LAMA5: variants seen among roughly 807,000 people sequenced by gnomAD.
The protein encoded by LAMA5 is laminin subunit alpha-5.
A neutral mutation model predicts 433.4 loss-of-function variants in LAMA5; 260 were observed. The ratio of observed to expected loss-of-function variants is 0.60; its 90% confidence interval spans 0.54 to 0.66. The LOEUF (loss-of-function observed/expected upper bound fraction) is 0.66, where lower values mean the gene tolerates loss of function less well. LAMA5 is among the 30% of genes least tolerant of loss of function. The pLI is 0.00. For missense variants in LAMA5, 5,378 were observed against 5,258.5 expected (o/e 1.02, Z -0.70); for synonymous variants, 2,620 against 2,226.6 (o/e 1.18, Z -4.97).
chr20:62,310,558 G>T lies in LAMA5; in HGVS notation c.10461C>A (p.Phe3487Leu). ...HSSKLPVTVGFSGCVKRLRLH... is the reference protein window; with the variant it reads ...HSSKLPVTVGLSGCVKRLRLH... ...GCCTCAGTCTCTTCACACAGCCGCT[G>T]AACCCGACGGTCACCTATAGGAGCA... Residue 3487 changes from phenylalanine (F) to leucine (L), a missense_variant, in exon 76 of 80, where the codon TTC (phenylalanine) becomes TTA (leucine). Coordinates refer to ENST00000252999, the MANE Select transcript of LAMA5 (RefSeq NM_005560.6). 6.5e-7 allele frequency: 1 copy of T among 1,548,046 alleles called. No individual in the cohort carries two copies.
chr20:62,337,159 A>G (rs1981779395), intron 16 of LAMA5, among the ~76,000 whole-genome samples: 1 of 152,138 alleles, frequency 6.6e-6, no homozygotes, highest in Admixed American at 6.5e-5. Context: ...GCACACCCAC[A>G]CTTGAGACAC....
intron 6 of LAMA5, 78 bp downstream of exon 6, chr20:62,351,626 T>TAGGCAGGGGTGACAAGGAC (rs1209820702): frequency 4.2e-5 from 59 of 1,413,166 alleles, no homozygotes; most frequent in African/African-American, 2.0e-4. Context: ...ACCCTCAGGT[T>TAGGCAGGGGTGACAAGGAC]AGGCAGGGGT....
chr20:62,316,937 T>C lies in LAMA5; in HGVS notation c.7598A>G (p.Gln2533Arg). ...NAYSRILQAV[Q>R]AAEDAAGQAL... ...CTGGCCAGCAGCATCCTCGGCAGCC[T>C]GCACGGCCTGCAGGATGCGGCTGTA... Residue 2533 changes from glutamine (Q) to arginine (R), a missense_variant, in exon 56 of 80, where the codon CAG becomes CGG. By Grantham distance (43) the Gln-to-Arg change is conservative (BLOSUM62 1). Transcript: ENST00000252999. 1 of 1,562,612 alleles carries C rather than the reference T, an allele frequency of 6.4e-7. No individual in the cohort carries two copies. Among genetic ancestry groups the C allele is most frequent in the Admixed American group, 1.8e-5 (1 of 54,120 alleles).
rs754840466 is a variant in LAMA5, at chr20:62,309,823, C to G, written c.10841G>C (p.Gly3614Ala). The G allele has an allele frequency of 6.2e-7, 1 of 1,611,624 alleles. No homozygotes were observed. ...QWHRLAVMKS[G>A]NVLRLEVDAQ... ...GTCCACCTCCAGCCGGAGCACATTCCCGCTTTTCATCACTGGGAGAAAGGG... is the reference window on the plus strand; with the variant it reads ...GTCCACCTCCAGCCGGAGCACATTCGCGCTTTTCATCACTGGGAGAAAGGG... Residue 3614 changes from glycine (G) to alanine (A), a missense_variant, in exon 79 of 80, where the codon GGG (glycine) becomes GCG (alanine). Gly to Ala is a moderately conservative substitution (Grantham distance 60, BLOSUM62 0). Transcript: ENST00000252999.
At position 62,335,086 on chromosome 20, in the gene LAMA5, TG is replaced by T; in HGVS notation, c.2416del (p.Gln806ArgfsTer115). Reference protein sequence around the residue: ...QCFCKPHVCGQACASCKDGFF... With the variant: ...QCFCKPHVCGXACASCKDGFF... ...GCCATCCTTGCAGGACGCGCAGGCC[TG>T]GCCGCACACGTGGGGCTTGCAGAAG... On this transcript the variant is annotated frameshift_variant, in exon 20 of 80. Coordinates refer to ENST00000252999, the MANE Select transcript of LAMA5 (RefSeq NM_005560.6). LOFTEE classifies it high-confidence loss of function. 3 of 1,613,044 alleles carry T rather than the reference TG, an allele frequency of 1.9e-6. No individual in the cohort carries two copies. The highest frequency in any genetic ancestry group is 2.5e-6 in the Non-Finnish European group (3 of 1,179,722).
At chr20:62,316,527 G>A (rs1353015952) in intron 57 of LAMA5, 144 bp downstream of exon 57, 1 of 606,800 alleles carries the variant, frequency 1.6e-6, no homozygotes, top group African/African-American at 1.9e-5. Context: ...AAGCAGCTGG[G>A]GAGCCATCTC....
intron 11 of LAMA5, among the ~76,000 whole-genome samples, chr20:62,339,296 G>A (rs1438498009): frequency 2.3e-5 from 3 of 129,828 alleles, no homozygotes; most frequent in African/African-American, 8.9e-5. Flanking sequence ...AGAGTGCAGT[G>A]GCACGATCTG....
At chr20:62,352,499 C>A (rs950801222) in intron 3 of LAMA5, 139 bp from the exon 4 acceptor site, 2 of 648,496 alleles carry the variant, frequency 3.1e-6, no homozygotes, top group Non-Finnish European at 5.4e-6. Context: ...GAGACCACAG[C>A]TCACTGGCTG....
chr20:62,363,810 C>T (rs148213286), intron 1 of LAMA5, among the ~76,000 whole-genome samples: 14 of 152,038 alleles, frequency 9.2e-5, no homozygotes, highest in African/African-American at 3.1e-4. Context: ...ACAGAGGGCC[C>T]AACCCCCTCG....
In LAMA5 at chr20:62,327,059, C is replaced by A. The variant is rs1231442792; in HGVS notation, c.5113-93G>T. 24 of 1,120,676 alleles carry A rather than the reference C, an allele frequency of 2.1e-5. No homozygotes were observed. In the East Asian group the frequency reaches 5.0e-4, roughly 23 times the overall value. 69.4% of individuals were successfully genotyped at this position (1,120,676 alleles called of 1,614,324 possible). On this transcript the variant is annotated intron_variant, in intron 38 of 79. Coordinates refer to ENST00000252999, the MANE Select transcript of LAMA5 (RefSeq NM_005560.6). Reference sequence around the variant, plus strand: ...GGTCTGGGCACCCCCAGCACAGAGCCCTGTGCTGGGCCTGGATACTTGCGC... The same window carrying A: ...GGTCTGGGCACCCCCAGCACAGAGCACTGTGCTGGGCCTGGATACTTGCGC...
intron 28 of LAMA5, among the ~76,000 whole-genome samples, chr20:62,331,631 C>T (rs73149151): frequency 6.6e-6 from 1 of 152,222 alleles, no homozygotes; most frequent in African/African-American, 2.4e-5. Flanking sequence ...ACTCAGCAGG[C>T]ACAAGCCGCA....
rs542711901 is a variant in LAMA5 at position 62,352,798 on chromosome 20, G to A, written c.568+336C>T. Among the ~76,000 whole-genome samples the A allele has an allele frequency of 5.1e-4, 78 of 152,286 alleles. 1 individual carries two copies. The highest frequency in any genetic ancestry group is 1.7e-3 in the African/African-American group (71 of 41,550). On this transcript the variant is annotated intron_variant, in intron 3 of 79. Transcript: ENST00000252999. ...GGGCTAGGACTCCAGTACTCTTGAC[G>A]CAGGTGGCTAGGCTGGCAGGAGGTG...
intron 11 of LAMA5, chr20:62,345,295 G>A (rs1004239147): frequency 6.6e-6 from 1 of 151,008 alleles, no homozygotes; most frequent in Non-Finnish European, 1.4e-5. Flanking sequence ...GAGCCACTGT[G>A]CCCAACCAAT....
intron 57 of LAMA5, 24 bp downstream of exon 57, chr20:62,316,647 C>A (rs373678596): frequency 1.2e-5 from 18 of 1,514,174 alleles, no homozygotes; most frequent in Middle Eastern, 2.0e-4. Flanking sequence ...GGCCTAAGGG[C>A]CCCCATCGGA....
Position 62,315,188 on chromosome 20 carries a change from G to C in LAMA5, c.7887C>G (p.Ile2629Met). The C allele has an allele frequency of 1.2e-6, 2 of 1,609,032 alleles. No homozygotes were observed. The highest frequency in any genetic ancestry group is 1.7e-6 in the Non-Finnish European group (2 of 1,178,268). The change falls in exon 59 of 80, where the codon ATC (isoleucine) becomes ATG (methionine). Residue 2629 changes from isoleucine (I) to methionine (M), a missense_variant. Ile to Met is a conservative substitution (Grantham distance 10). Coordinates refer to ENST00000252999, the MANE Select transcript of LAMA5 (RefSeq NM_005560.6). ...AMDTDETSKKIAHAKAVAAEA... is the reference protein window; with the variant it reads ...AMDTDETSKKMAHAKAVAAEA... ...CAGCAGCCACAGCCTTGGCATGTGC[G>C]ATCTTCTTGCTTGTCTCGTCTGTGG...
At chr20:62,312,093 G>A (rs368226209) in intron 69 of LAMA5, 43 bp from the exon 70 acceptor site, 10 of 1,609,082 alleles carry the variant, frequency 6.2e-6, no homozygotes, top group Non-Finnish European at 8.5e-6. Context: ...TGGGGACCCA[G>A]ACTCATTCCA....
Position 62,337,923 on chromosome 20 carries a change from G to C in LAMA5, c.1907C>G (p.Pro636Arg), listed in dbSNP as rs1981956703. The C allele has an allele frequency of 6.2e-7, 1 of 1,610,308 alleles. No individual in the cohort carries two copies. The highest frequency in any genetic ancestry group is 2.2e-5 in the East Asian group (1 of 44,712). ...FPNCQACTCD[P>R]RGALDQLCGA... ...ACAGAGCTGGTCCAGGGCTCCCCGAGGGTCGCAGGTGCATGCTGCAGAGGG... is the reference window on the plus strand; with the variant it reads ...ACAGAGCTGGTCCAGGGCTCCCCGACGGTCGCAGGTGCATGCTGCAGAGGG... The change falls in exon 15 of 80, where the codon CCT becomes CGT. Residue 636 changes from proline to arginine, a missense_variant. Pro to Arg is a moderately radical substitution (Grantham distance 103, BLOSUM62 -2). Coordinates refer to ENST00000252999, the MANE Select transcript of LAMA5 (RefSeq NM_005560.6).
chr20:62,311,124 G>C (rs763248420), intron 73 of LAMA5, 30 bp from the exon 74 acceptor site: 7 of 1,563,556 alleles, frequency 4.5e-6, no homozygotes, highest in South Asian at 2.4e-5. Flanking sequence ...CAGCCTGCGC[G>C]GCCCCTCTCA....
rs1170456308 is a variant in LAMA5 at position 62,309,103 on chromosome 20, A to G, written c.*233T>C. 9.9e-6 allele frequency: 6 copies of G among 603,576 alleles called. No homozygotes were observed. Among genetic ancestry groups the G allele is most frequent in the Middle Eastern group, 4.4e-4 (1 of 2,254 alleles). The allele number at this position is 603,576 out of a possible 1,614,324, so 37.4% of individuals were successfully genotyped here. On this transcript the variant is annotated 3_prime_UTR_variant, in exon 80 of 80. Transcript: ENST00000252999. ...ACTTTTTAATTTTTAAGGAGGAACC[A>G]GTGATGATTGGTGACAAATCTCTCA...
Sources: gnomAD v4.1 joint callset for allele counts (sites outside exome capture counted in the v4.1 genomes callset) on GRCh38, gnomAD v4.1.1 for gene constraint, MANE v1.5 for transcripts, NCBI Gene and HGNC (gene_info 2026-07-23, HGNC 2026-07-21) for gene names.